Variants in CNIH3 observed in about 807,000 individuals in gnomAD.
CNIH3 encodes protein cornichon homolog 3.
A neutral mutation model predicts 24.1 loss-of-function variants in CNIH3; 14 were observed. The observed-to-expected ratio is 0.58, with a 90% CI of 0.38 to 0.91. The LOEUF (loss-of-function observed/expected upper bound fraction) is 0.91, where lower values mean the gene tolerates loss of function less well. CNIH3 is among the 40% of genes least tolerant of loss of function. CNIH3 has a pLI of 0.00. For synonymous variants in CNIH3, 68 were observed against 73.8 expected (o/e 0.92, Z 0.40); for missense variants, 178 against 196.8 (o/e 0.90, Z 0.57).
At chr1:224,579,762 C>G (rs1473674037) in intron 4 of CNIH3, among the ~76,000 whole-genome samples, 4 of 152,150 alleles carry the variant, frequency 2.6e-5, no homozygotes, top group Non-Finnish European at 5.9e-5. Context: ...ACTTTCCCCC[C>G]CTCTCTCTTT....
intron 1 of CNIH3, among the ~76,000 whole-genome samples, chr1:224,662,523 T>C (rs1001143234): frequency 2.6e-5 from 4 of 152,204 alleles, no homozygotes; most frequent in African/African-American, 9.6e-5. Context: ...CACTTTAAAA[T>C]ATCTAACAGA....
intron 1 of CNIH3, among the ~76,000 whole-genome samples, chr1:224,440,045 C>A (rs1674829289): frequency 6.6e-6 from 1 of 152,236 alleles, no homozygotes; most frequent in African/African-American, 2.4e-5. Flanking sequence ...GCCTCGGCCT[C>A]CCAAAGTGTT....
chr1:224,473,780 A>C (rs563806989), intron 1 of CNIH3, among the ~76,000 whole-genome samples: 64 of 152,334 alleles, frequency 4.2e-4, no homozygotes, highest in Non-Finnish European at 8.7e-4. Context: ...TTTAATCTGC[A>C]CTATAGACCA....
chr1:224,504,219 A>C (rs912371057), intron 1 of CNIH3, among the ~76,000 whole-genome samples: 1 of 152,196 alleles, frequency 6.6e-6, no homozygotes, highest in Non-Finnish European at 1.5e-5. Context: ...GGGAGGGACA[A>C]GACTACAACC....
At chr1:224,565,965 C>T (rs1260508356) in intron 3 of CNIH3, 3 of 152,166 alleles carry the variant, frequency 2.0e-5, no homozygotes, top group Admixed American at 6.5e-5. Context: ...TCCCTTTCTC[C>T]TCTCCCTTGT....
Position 224,458,893 on chromosome 1 carries a change from G to A in CNIH3, n.203+24031G>A, listed in dbSNP as rs921824115. Among the ~76,000 whole-genome samples, 4 of 152,148 alleles carry A rather than the reference G, an allele frequency of 2.6e-5. No homozygotes were observed. The highest frequency in any genetic ancestry group is 4.4e-5 in the Non-Finnish European group (3 of 68,034). ...ACTTCTAATACAGTCCCGGAAAGACGGGGCCAGAACTTAGGAGGGGAGCGC... is the reference window on the plus strand; with the variant it reads ...ACTTCTAATACAGTCCCGGAAAGACAGGGCCAGAACTTAGGAGGGGAGCGC... On this transcript the variant is annotated intron_variant and non_coding_transcript_variant, in intron 1 of 5. Coordinates refer to the CNIH3 transcript ENST00000471578. The surrounding 1 kb of genome is among the most constrained non-coding windows in gnomAD (Gnocchi z 4.3).
intron 3 of CNIH3, among the ~76,000 whole-genome samples, chr1:224,564,474 A>G (rs188860298): frequency 7.9e-5 from 12 of 152,372 alleles, no homozygotes; most frequent in Middle Eastern, 3.4e-3. Flanking sequence ...AAATCGTACT[A>G]TGAAGTCTCT....
chr1:224,681,021 C>T lies in CNIH3; in HGVS notation c.145C>T (p.His49Tyr), dbSNP rs762732498. ...CCCCATAGACCAGTGCAATCCTGTT[C>T]ATGCGGTAAGTGGCGGGTACTGGTG... ...KSPIDQCNPV[H>Y]ARERLRNIER... is the part of the protein sequence containing the mutation. Residue 49 changes from histidine to tyrosine, a missense_variant, in exon 2 of 6, where the codon CAT becomes TAT. Coordinates refer to ENST00000272133, the MANE Select transcript of CNIH3 (RefSeq NM_152495.2). 6 of 1,613,994 alleles carry T rather than the reference C, an allele frequency of 3.7e-6. No homozygotes were observed. The Admixed American group carries it at 5.0e-5, about 13-fold the overall frequency.
At chr1:224,595,812 A>G (rs1312527374) in intron 3 of CNIH3, among the ~76,000 whole-genome samples, 1 of 152,230 alleles carries the variant, frequency 6.6e-6, no homozygotes, top group African/African-American at 2.4e-5. Context: ...ATGGAAGATC[A>G]AACCAGCCAC....
chr1:224,635,091 A>C (rs1453222446), intron 1 of CNIH3, among the ~76,000 whole-genome samples: 3 of 152,178 alleles, frequency 2.0e-5, no homozygotes, highest in African/African-American at 7.2e-5. Context: ...GAGAGGCCTC[A>C]GGAAACTTAT....
At chr1:224,628,734 A>T (rs989592625) in intron 1 of CNIH3, among the ~76,000 whole-genome samples, 1 of 152,000 alleles carries the variant, frequency 6.6e-6, no homozygotes. Context: ...TTAACCTGAA[A>T]GGCTGGTTTA....
chr1:224,668,164 G>A (rs1019146453), intron 1 of CNIH3, among the ~76,000 whole-genome samples: 10 of 152,170 alleles, frequency 6.6e-5, no homozygotes, highest in African/African-American at 2.2e-4. Context: ...GTAAGAGAGG[G>A]CCTTGCTTAG....
upstream of CNIH3, among the ~76,000 whole-genome samples, chr1:224,515,480 G>A (rs368131571): frequency 5.3e-5 from 8 of 152,222 alleles, no homozygotes; most frequent in African/African-American, 1.9e-4. Context: ...CACGCACCAA[G>A]CCATGTTTCA....
chr1:224,706,527 T>C (rs1373340799), intron 3 of CNIH3, among the ~76,000 whole-genome samples: 1 of 152,198 alleles, frequency 6.6e-6, no homozygotes, highest in East Asian at 1.9e-4. Context: ...GACCACACTT[T>C]TGTCTGTACA....
chr1:224,580,682 C>G (rs546583575), intron 4 of CNIH3, among the ~76,000 whole-genome samples: 22 of 152,056 alleles, frequency 1.4e-4, no homozygotes, highest in African/African-American at 4.6e-4. Context: ...CAAAAATTAG[C>G]CAGGCATGGT....
chr1:224,657,565 G>A (rs763527159), intron 1 of CNIH3, among the ~76,000 whole-genome samples: 1 of 152,086 alleles, frequency 6.6e-6, no homozygotes, highest in Non-Finnish European at 1.5e-5. Context: ...TCAAATAAAA[G>A]ACATAATAAA....
At chr1:224,590,155 G>A (rs755956288), downstream of CNIH3, among the ~76,000 whole-genome samples, 4 of 152,142 alleles carry the variant, frequency 2.6e-5, no homozygotes, top group Non-Finnish European at 5.9e-5. Flanking sequence ...GATTACAGAC[G>A]CGAGCCATCA....
intron 1 of CNIH3, among the ~76,000 whole-genome samples, chr1:224,464,304 A>AT (rs955014989): frequency 3.6e-4 from 53 of 148,716 alleles, no homozygotes; most frequent in Middle Eastern, 3.5e-3. Context: ...TTTTGAATTG[A>AT]TTTTTTTTTT....
chr1:224,629,108 G>A (rs894938934), intron 1 of CNIH3, among the ~76,000 whole-genome samples: 38 of 151,834 alleles, frequency 2.5e-4, no homozygotes, highest in Non-Finnish European at 5.1e-4. Context: ...CCGGGTTCAA[G>A]CAATTCTCCT....
Sources: allele counts gnomAD v4.1 joint callset (sites outside exome capture counted in the v4.1 genomes callset), GRCh38; gene constraint gnomAD v4.1.1; non-coding constraint Gnocchi (gnomAD v3.1); transcripts MANE v1.5; gene names NCBI Gene and HGNC (gene_info 2026-07-23, HGNC 2026-07-21).